Variants in TENT4B observed in about 807,000 individuals in gnomAD.
TENT4B encodes PAP associated domain containing 5.
Under a neutral mutation model 75.0 loss-of-function variants are expected in TENT4B, and 10 were observed. That is an observed-to-expected ratio of 0.13 (90% CI 0.08 to 0.23). The LOEUF (loss-of-function observed/expected upper bound fraction) is 0.23, where lower values mean the gene tolerates loss of function less well. TENT4B is among the 10% of genes least tolerant of loss of function. The pLI is 1.00. For synonymous variants in TENT4B, 350 were observed against 357.7 expected, an observed-to-expected ratio of 0.98 and a Z score of 0.24; for missense variants, 579 against 893.8, an observed-to-expected ratio of 0.65 and a Z score of 4.49.
intron 1 of TENT4B, among the ~76,000 whole-genome samples, chr16:50,183,547 A>C (rs889557917): frequency 1.3e-5 from 1 of 76,788 alleles, no homozygotes; most frequent in Admixed American, 1.3e-4. Flanking sequence ...TGGAATTCTT[A>C]TTTTTACAGT....
At chr16:50,169,211 T>A (rs1410058470) in intron 1 of TENT4B, among the ~76,000 whole-genome samples, 1 of 152,130 alleles carries the variant, frequency 6.6e-6, no homozygotes, top group East Asian at 1.9e-4. Flanking sequence ...TTCTCTGCTG[T>A]CTCTTTTCCC....
At chr16:50,183,109 T>C (rs2038454243) in intron 1 of TENT4B, among the ~76,000 whole-genome samples, 1 of 151,392 alleles carries the variant, frequency 6.6e-6, no homozygotes, top group South Asian at 2.1e-4. Flanking sequence ...AATGGCCCAA[T>C]CTCGACTCAC....
chr16:50,213,870 C>G (rs1019508753), intron 2 of TENT4B, among the ~76,000 whole-genome samples: 3 of 152,122 alleles, frequency 2.0e-5, no homozygotes, highest in African/African-American at 7.2e-5. Context: ...CATGGGAGGA[C>G]TAGCATAGGT....
chr16:50,193,016 A>G (rs948962058), intron 1 of TENT4B, among the ~76,000 whole-genome samples: 4 of 152,164 alleles, frequency 2.6e-5, no homozygotes, highest in Non-Finnish European at 5.9e-5. Flanking sequence ...TCAAGGCTAC[A>G]GTGGTTTGTG....
intron 1 of TENT4B, among the ~76,000 whole-genome samples, chr16:50,159,725 G>C (rs188383629): frequency 6.6e-6 from 1 of 152,268 alleles, no homozygotes; most frequent in African/African-American, 2.4e-5. Flanking sequence ...TAGTGAACTA[G>C]AACCTTCAGG....
At chr16:50,220,074 C>T (rs1441657324) in intron 5 of TENT4B, among the ~76,000 whole-genome samples, 9 of 151,744 alleles carry the variant, frequency 5.9e-5, no homozygotes, top group African/African-American at 1.7e-4. Context: ...CTGCAACCTC[C>T]GTCTCCCAGG....
chr16:50,154,798 A>G (rs1255949052), intron 1 of TENT4B, among the ~76,000 whole-genome samples: 10 of 152,302 alleles, frequency 6.6e-5, no homozygotes, highest in Admixed American at 2.6e-4. Context: ...CCAGACAGCA[A>G]TTATGTCAGC....
chr16:50,185,925 A>G (rs933820498), intron 1 of TENT4B, among the ~76,000 whole-genome samples: 2 of 152,152 alleles, frequency 1.3e-5, no homozygotes, highest in African/African-American at 4.8e-5. Flanking sequence ...GTATTTTTAA[A>G]CATTACATAA....
chr16:50,217,426 A>G (rs2031616723), intron 4 of TENT4B, 130 bp from the exon 5 acceptor site: 3 of 568,030 alleles, frequency 5.3e-6, no homozygotes, highest in African/African-American at 2.0e-5. Flanking sequence ...GGTGTGCCAT[A>G]TTTAGAATAC....
chr16:50,155,272 G>GGTGTGTGTGTGTGTGTGTGTGTGTGTGT (rs60683678), intron 1 of TENT4B, among the ~76,000 whole-genome samples: 79 of 135,468 alleles, frequency 5.8e-4, no homozygotes, highest in East Asian at 1.5e-3. Flanking sequence ...GGGTCTCGTG[G>GGTGTGTGTGTGTGTGTGTGTGTGTGTGT]GTGTGTGTGT....
chr16:50,186,759 C>T (rs925115407), intron 1 of TENT4B, among the ~76,000 whole-genome samples: 9 of 151,848 alleles, frequency 5.9e-5, no homozygotes, highest in African/African-American at 1.7e-4. Flanking sequence ...TTTTTTGAGA[C>T]GGAATCTCAC....
chr16:50,199,942 A>G (rs916124323), intron 1 of TENT4B, among the ~76,000 whole-genome samples: 4 of 152,224 alleles, frequency 2.6e-5, no homozygotes, highest in African/African-American at 9.6e-5. Flanking sequence ...CCAGTGTGAC[A>G]ATTATGAATA....
chr16:50,154,662 G>T lies in TENT4B; in HGVS notation c.638+403G>T, dbSNP rs77794532. On this transcript the variant is annotated intron_variant, in intron 1 of 11. Coordinates refer to ENST00000561678, the MANE Select transcript of TENT4B (RefSeq NM_001365324.3). Reference sequence around the variant, plus strand: ...TCACAACTCAAGATGAGACCGCTTAGCACGGGCCTATCATTCATTCCCTGA... The same window carrying T: ...TCACAACTCAAGATGAGACCGCTTATCACGGGCCTATCATTCATTCCCTGA... Among the ~76,000 whole-genome samples, 715 of 151,792 alleles carry T rather than the reference G, an allele frequency of 4.7e-3. 1 individual carries two copies. The highest frequency in any genetic ancestry group is 0.01 in the Middle Eastern group (3 of 294).
intron 6 of TENT4B, among the ~76,000 whole-genome samples, chr16:50,222,704 G>A (rs983404644): frequency 6.6e-6 from 1 of 151,996 alleles, no homozygotes; most frequent in Non-Finnish European, 1.5e-5. Flanking sequence ...CAAAATGTAC[G>A]GCCTGGTTTC....
intron 3 of TENT4B, among the ~76,000 whole-genome samples, chr16:50,215,763 T>G (rs564856086): frequency 6.6e-6 from 1 of 152,366 alleles, no homozygotes; most frequent in South Asian, 2.1e-4. Context: ...TTATGTCTAG[T>G]ACCACAAGCG....
At chr16:50,213,419 A>G (rs1214013152) in intron 2 of TENT4B, among the ~76,000 whole-genome samples, 1 of 152,136 alleles carries the variant, frequency 6.6e-6, no homozygotes, top group Non-Finnish European at 1.5e-5. Flanking sequence ...ACCGTTCTCC[A>G]TGGGTTGAGA....
intron 1 of TENT4B, among the ~76,000 whole-genome samples, chr16:50,191,235 G>C (rs2038631965): frequency 6.6e-6 from 1 of 151,952 alleles, no homozygotes; most frequent in Non-Finnish European, 1.5e-5. Flanking sequence ...AAGTGGAATT[G>C]CTGGATCATA....
At chr16:50,193,334 T>G (rs1460862237) in intron 1 of TENT4B, among the ~76,000 whole-genome samples, 1 of 144,822 alleles carries the variant, frequency 6.9e-6, no homozygotes, top group Non-Finnish European at 1.5e-5. Context: ...TCCTGGAGTT[T>G]TTTTTTTTTT....
At position 50,233,970 on chromosome 16, in the gene TENT4B, C is replaced by G; in HGVS notation, c.*4642C>G. ...TAGTAGTTGCATATCATCTCTAGTTCCACATTTTAACTTAACGTCTTTGTG... is the reference window on the plus strand; with the variant it reads ...TAGTAGTTGCATATCATCTCTAGTTGCACATTTTAACTTAACGTCTTTGTG... On this transcript the variant is annotated 3_prime_UTR_variant, in exon 12 of 12. Transcript: ENST00000561678. 1.0e-6 allele frequency: 1 copy of G among 985,462 alleles called. No individual in the cohort carries two copies. The highest frequency in any genetic ancestry group is 1.2e-6 in the Non-Finnish European group (1 of 829,952). The allele number at this position is 985,462 out of a possible 1,614,324, so 61.0% of individuals were successfully genotyped here. A position where few individuals can be genotyped will look rare whatever the true frequency, so the allele number is the denominator to read the frequency against.
Sources: gnomAD v4.1 joint callset for allele counts (sites outside exome capture counted in the v4.1 genomes callset) on GRCh38, gnomAD v4.1.1 for gene constraint, MANE v1.5 for transcripts, NCBI Gene and HGNC (gene_info 2026-07-23, HGNC 2026-07-21) for gene names.